RGS7BP: variants seen among roughly 807,000 people sequenced by gnomAD.
RGS7BP encodes regulator of G protein signaling 7-binding protein.
In RGS7BP, 9 loss-of-function variants were observed where a neutral mutation model predicts 31.3. The ratio of observed to expected loss-of-function variants is 0.29; its 90% confidence interval spans 0.17 to 0.50. The LOEUF is 0.50. Among genes scored for constraint, RGS7BP ranks in the 20% least tolerant of loss-of-function variants. RGS7BP has a pLI of 0.98. For missense variants in RGS7BP, 274 were observed against 322.0 expected (o/e 0.85, Z 1.14); for synonymous variants, 115 against 120.1 (o/e 0.96, Z 0.28).
chr5:64,551,962 C>G (rs1561332052), intron 2 of RGS7BP, among the ~76,000 whole-genome samples: 1 of 152,126 alleles, frequency 6.6e-6, no homozygotes, highest in East Asian at 1.9e-4. Flanking sequence ...AAAACAGAAG[C>G]AGGTTAGCTT....
chr5:64,525,521 T>C (rs1229647724), intron 2 of RGS7BP, among the ~76,000 whole-genome samples: 2 of 152,228 alleles, frequency 1.3e-5, no homozygotes, highest in Admixed American at 1.3e-4. Context: ...GATATTCTAG[T>C]GATTTGCAAG....
At position 64,509,577 on chromosome 5, in the gene RGS7BP, A is replaced by T. The variant is rs915456661; in HGVS notation, c.332+1700A>T. Among the ~76,000 whole-genome samples the T allele has an allele frequency of 6.6e-5, 10 of 152,132 alleles. No individual in the cohort carries two copies. In the East Asian group the frequency reaches 1.9e-3, roughly 29 times the overall value. ...TGGATTTTTTTTTTCTTTGAGAGGT[A>T]TTATAGCTATGTTACCCCGGCTGGT... On this transcript the variant is annotated intron_variant, in intron 2 of 5. Transcript: ENST00000334025.
chr5:64,529,526 A>G (rs1749319124), intron 2 of RGS7BP, among the ~76,000 whole-genome samples: 2 of 152,202 alleles, frequency 1.3e-5, no homozygotes, highest in Non-Finnish European at 2.9e-5. Context: ...GTGGTTACCA[A>G]GCTTGTGATG....
chr5:64,520,668 C>A (rs139356968), intron 2 of RGS7BP, among the ~76,000 whole-genome samples: 83 of 152,342 alleles, frequency 5.4e-4, no homozygotes, highest in Non-Finnish European at 7.9e-4. Flanking sequence ...AGGCTGAATT[C>A]TGGGTGTTTC....
rs1360533403 is a variant in RGS7BP, at chr5:64,565,492, TA to T, written c.333-10281del. Among the ~76,000 whole-genome samples, 23 of 152,238 alleles carry T rather than the reference TA, an allele frequency of 1.5e-4. No individual in the cohort carries two copies. The South Asian group carries it at 4.8e-3, about 32-fold the overall frequency. On this transcript the variant is annotated intron_variant, in intron 2 of 5. Coordinates refer to ENST00000334025, the MANE Select transcript of RGS7BP (RefSeq NM_001029875.3). ...GCATAAAAGTTCTGTTTATACGTATTATTTTTTATAAAATAGTTTTTTTTAA... is the reference window on the plus strand; with the variant it reads ...GCATAAAAGTTCTGTTTATACGTATTTTTTTTATAAAATAGTTTTTTTTAA...
chr5:64,560,569 TCAA>T (rs1742030126), intron 2 of RGS7BP, among the ~76,000 whole-genome samples: 2 of 150,650 alleles, frequency 1.3e-5, no homozygotes, highest in South Asian at 2.1e-4. Context: ...ATATAATCTA[TCAA>T]CAAGTACATA....
At chr5:64,601,054 G>A (rs1185388352) in intron 5 of RGS7BP, among the ~76,000 whole-genome samples, 1 of 152,180 alleles carries the variant, frequency 6.6e-6, no homozygotes, top group Non-Finnish European at 1.5e-5. Flanking sequence ...TGCAGGAAAT[G>A]GTACAGGGTA....
chr5:64,603,402 G>C (rs1231745690), intron 5 of RGS7BP, among the ~76,000 whole-genome samples: 1 of 152,170 alleles, frequency 6.6e-6, no homozygotes, highest in Non-Finnish European at 1.5e-5. Context: ...GGTTAATAGT[G>C]CTGAAGTGAG....
At chr5:64,580,197 CAT>C (rs1158744521) in intron 3 of RGS7BP, among the ~76,000 whole-genome samples, 1 of 152,144 alleles carries the variant, frequency 6.6e-6, no homozygotes, top group Non-Finnish European at 1.5e-5. Context: ...AGAGACATAA[CAT>C]GTGTCTTAGA....
intron 3 of RGS7BP, among the ~76,000 whole-genome samples, chr5:64,580,214 T>C (rs1387530413): frequency 6.6e-6 from 1 of 152,138 alleles, no homozygotes; most frequent in Non-Finnish European, 1.5e-5. Context: ...CTTAGAACCC[T>C]TGAAGCTTGG....
intron 2 of RGS7BP, among the ~76,000 whole-genome samples, chr5:64,531,166 C>A (rs571556851): frequency 6.6e-6 from 1 of 152,292 alleles, no homozygotes; most frequent in Non-Finnish European, 1.5e-5. Flanking sequence ...ACCCTCAATA[C>A]CATCAATAAT....
chr5:64,609,004 C>T (rs1198522032), intron 5 of RGS7BP, among the ~76,000 whole-genome samples, 157 bp from the exon 6 acceptor site: 1 of 152,006 alleles, frequency 6.6e-6, no homozygotes, highest in African/African-American at 2.4e-5. Flanking sequence ...GTGCTCAGGA[C>T]AGTACCCCAC....
chr5:64,541,929 C>A (rs1292035865), intron 2 of RGS7BP, among the ~76,000 whole-genome samples: 1 of 147,994 alleles, frequency 6.8e-6, no homozygotes, highest in Non-Finnish European at 1.5e-5. Flanking sequence ...AATCAGAAAT[C>A]ATTTCATATA....
At chr5:64,566,940 C>T (rs1376614232) in intron 2 of RGS7BP, among the ~76,000 whole-genome samples, 4 of 151,382 alleles carry the variant, frequency 2.6e-5, no homozygotes, top group Admixed American at 2.6e-4. Context: ...TGTGGCCCAT[C>T]GCTTTAGATA....
At position 64,577,167 on chromosome 5, in the gene RGS7BP, G is replaced by C. The variant is rs1039378868; in HGVS notation, c.463+1263G>C. Among the ~76,000 whole-genome samples, 5 of 152,164 alleles carry C rather than the reference G, an allele frequency of 3.3e-5. No homozygotes were observed. In the East Asian group the frequency reaches 9.6e-4, roughly 29 times the overall value. Reference sequence around the variant, plus strand: ...TAAAAACCAAATCTTGGCCAGGCACGGTGGCTCACGCCTGTAATCCCAGCG... The same window carrying C: ...TAAAAACCAAATCTTGGCCAGGCACCGTGGCTCACGCCTGTAATCCCAGCG... On this transcript the variant is annotated intron_variant, in intron 3 of 5. Coordinates refer to ENST00000334025, the MANE Select transcript of RGS7BP (RefSeq NM_001029875.3).
chr5:64,527,889 T>C (rs981691), intron 2 of RGS7BP, among the ~76,000 whole-genome samples: 1 of 152,222 alleles, frequency 6.6e-6, no homozygotes, highest in Non-Finnish European at 1.5e-5. Flanking sequence ...TTGTTCTTTT[T>C]ACATGTCTGT....
At chr5:64,529,230 A>G (rs1382686037) in intron 2 of RGS7BP, among the ~76,000 whole-genome samples, 2 of 152,248 alleles carry the variant, frequency 1.3e-5, no homozygotes, top group African/African-American at 2.4e-5. Context: ...ATTTCATTTC[A>G]GAAAGAATGC....
intron 2 of RGS7BP, among the ~76,000 whole-genome samples, chr5:64,525,594 AATT>A (rs1485906343): frequency 2.5e-4 from 38 of 152,104 alleles, no homozygotes; most frequent in Admixed American, 2.5e-3. Context: ...ATGTGCTGGG[AATT>A]ATTATCCCTG....
chr5:64,577,884 T>C (rs796963655), intron 3 of RGS7BP, among the ~76,000 whole-genome samples: 4 of 152,280 alleles, frequency 2.6e-5, no homozygotes, highest in African/African-American at 9.6e-5. Context: ...CAGGATTTCA[T>C]GCCTTGTTGC....
Sources: gnomAD v4.1 joint callset for allele counts (sites outside exome capture counted in the v4.1 genomes callset) on GRCh38, gnomAD v4.1.1 for gene constraint, MANE v1.5 for transcripts, NCBI Gene and HGNC (gene_info 2026-07-23, HGNC 2026-07-21) for gene names.